Variants in STAG2 observed in about 807,000 individuals in gnomAD.
STAG2 encodes STAG2 cohesin complex component, also known as cohesin subunit SA-2.
A neutral mutation model predicts 108.1 loss-of-function variants in STAG2; 14 were observed. The observed-to-expected ratio is 0.13, with a 90% CI of 0.09 to 0.20. The LOEUF (loss-of-function observed/expected upper bound fraction) is 0.20, where lower values mean the gene tolerates loss of function less well. STAG2 is among the 10% of genes least tolerant of loss of function. The pLI is 1.00. For missense variants in STAG2, 440 were observed against 940.9 expected, an observed-to-expected ratio of 0.47 and a Z score of 6.96; for synonymous variants, 307 against 302.7, an observed-to-expected ratio of 1.01 and a Z score of -0.15.
chrX:124,064,133 T>G, intron 20 of STAG2, 82 bp downstream of exon 20: 1 of 704,348 alleles, frequency 1.4e-6, no homozygotes, highest in Non-Finnish European at 2.1e-6. Context: ...AAGTGTTAAG[T>G]CTTGGTGATA....
chrX:123,965,355 A>AT (rs1024774314), intron 1 of STAG2, among the ~76,000 whole-genome samples: 4 of 111,748 alleles, frequency 3.6e-5, no homozygotes, highest in Non-Finnish European at 7.5e-5. Context: ...TTTAGTTAGG[A>AT]TTTTTTAAAG....
At chrX:124,040,220 T>C (rs760661297) in intron 6 of STAG2, among the ~76,000 whole-genome samples, 7 of 111,951 alleles carry the variant, frequency 6.3e-5, no homozygotes, top group African/African-American at 1.9e-4. Flanking sequence ...CTACAATACA[T>C]TGATGGCTTC....
rs773490164 is a variant in STAG2 at position 124,086,541 on chromosome X, T to C, written c.3054-6T>C. 2.3e-5 allele frequency: 27 copies of C among 1,195,012 alleles called. No homozygotes were observed. Among genetic ancestry groups the C allele is most frequent in the Non-Finnish European group, 2.9e-5 (26 of 881,694 alleles). On this transcript the variant is annotated splice_region_variant and splice_polypyrimidine_tract_variant and intron_variant, in intron 29 of 34. Transcript: ENST00000371145. ...TCAAAGCTAACAGTTTCGATTTCTT[T>C]TCAAGGTATGTTTACTTGGAAAAGT...
chrX:124,090,097 G>T (rs2059214049), intron 30 of STAG2, among the ~76,000 whole-genome samples: 1 of 95,111 alleles, frequency 1.1e-5, no homozygotes, highest in African/African-American at 4.0e-5. Context: ...GGAGGTGGAG[G>T]TTGCAGTGAG....
At chrX:124,053,757 A>G (rs1028603528) in intron 13 of STAG2, among the ~76,000 whole-genome samples, 9 of 111,918 alleles carry the variant, frequency 8.0e-5, no homozygotes, top group African/African-American at 9.7e-5. Flanking sequence ...TGAATTAACT[A>G]TATAAAAACC....
At chrX:124,094,949 A>T (rs895812517) in intron 33 of STAG2, among the ~76,000 whole-genome samples, 2 of 108,515 alleles carry the variant, frequency 1.8e-5, no homozygotes, top group Non-Finnish European at 3.8e-5. Context: ...TTTTTTTGAG[A>T]TGGAGTCTTG....
intron 6 of STAG2, among the ~76,000 whole-genome samples, chrX:124,039,841 A>G (rs543501709): frequency 9.1e-6 from 1 of 109,413 alleles, no homozygotes; most frequent in South Asian, 3.9e-4. Flanking sequence ...ACAAGGCCGC[A>G]GAGCATGTTC....
intron 23 of STAG2, among the ~76,000 whole-genome samples, chrX:124,066,813 ATC>A (rs77230991): frequency 0.34 from 37,247 of 110,453 alleles, 4,699 homozygotes; most frequent in South Asian, 0.6. Flanking sequence ...CATATTCAAG[ATC>A]TCTCTAGTGA....
intron 7 of STAG2, among the ~76,000 whole-genome samples, chrX:124,044,056 A>T (rs2057801383): frequency 9.0e-6 from 1 of 111,089 alleles, no homozygotes. Context: ...TTGAACTATT[A>T]TTCTAAAAGA....
intron 23 of STAG2, among the ~76,000 whole-genome samples, chrX:124,067,769 C>T (rs2058573753): frequency 9.0e-6 from 1 of 111,671 alleles, no homozygotes; most frequent in Non-Finnish European, 1.9e-5. Context: ...CAGTGGCTCA[C>T]GCCTGTACTC....
rs755735420 is a variant in STAG2 at position 124,025,483 on chromosome X, C to T, written c.45-357C>T. 9.0e-5 allele frequency among the ~76,000 whole-genome samples: 10 copies of T among 111,024 alleles called. No homozygotes were observed. The South Asian group carries it at 1.1e-3, about 13-fold the overall frequency. On this transcript the variant is annotated intron_variant, in intron 3 of 34. Transcript: ENST00000371145. ...GCCTAGTATTAAAATACAGTTTTTC[C>T]GCAGCACTGTGATCTTTGAAGTAGG...
chrX:124,085,620 C>G (rs1453518579), intron 29 of STAG2, among the ~76,000 whole-genome samples: 1 of 109,763 alleles, frequency 9.1e-6, no homozygotes, highest in Non-Finnish European at 1.9e-5. Context: ...ACAAAAGATG[C>G]AAAAATTAGC....
At chrX:124,040,981 C>T (rs2057698492) in intron 6 of STAG2, among the ~76,000 whole-genome samples, 1 of 105,457 alleles carries the variant, frequency 9.5e-6, no homozygotes, top group Non-Finnish European at 1.9e-5. Context: ...CTACCTCAGC[C>T]TCCCAAGTAG....
chrX:123,978,764 G>T (rs2054744353), intron 1 of STAG2, among the ~76,000 whole-genome samples: 1 of 112,070 alleles, frequency 8.9e-6, no homozygotes, highest in African/African-American at 3.2e-5. Context: ...TTTTGGATAT[G>T]GGATGCTCAA....
At chrX:123,983,341 A>G (rs1331410739) in intron 1 of STAG2, among the ~76,000 whole-genome samples, 1 of 110,659 alleles carries the variant, frequency 9.0e-6, no homozygotes, top group Non-Finnish European at 1.9e-5. Flanking sequence ...TCAATTTACT[A>G]CTTAGGAAAC....
At chrX:123,995,216 T>C (rs1037630738) in intron 1 of STAG2, among the ~76,000 whole-genome samples, 32 of 111,562 alleles carry the variant, frequency 2.9e-4, no homozygotes, top group African/African-American at 1.0e-3. Flanking sequence ...GGTAAAGAGA[T>C]GAGCAGGCTA....
chrX:124,058,959 T>C (rs1238859966), intron 15 of STAG2, among the ~76,000 whole-genome samples: 1 of 112,231 alleles, frequency 8.9e-6, no homozygotes, highest in Non-Finnish European at 1.9e-5. Flanking sequence ...TAATTTTCCT[T>C]TTCCTCTCCA....
chrX:123,969,891 C>T (rs901544572), intron 1 of STAG2, among the ~76,000 whole-genome samples: 1 of 108,222 alleles, frequency 9.2e-6, no homozygotes, highest in Admixed American at 9.9e-5. Context: ...AGGTGATTCA[C>T]CCATCTCCAC....
chrX:123,991,290 C>G (rs2055447124), intron 1 of STAG2, among the ~76,000 whole-genome samples: 1 of 112,049 alleles, frequency 8.9e-6, no homozygotes, highest in African/African-American at 3.2e-5. Context: ...AAAAAACCTG[C>G]TTTAATCTGC....
Sources: allele counts gnomAD v4.1 joint callset (sites outside exome capture counted in the v4.1 genomes callset), GRCh38; gene constraint gnomAD v4.1.1; transcripts MANE v1.5; gene names NCBI Gene and HGNC (gene_info 2026-07-23, HGNC 2026-07-21).